PPP1R9A: variants seen among roughly 807,000 people sequenced by gnomAD.
PPP1R9A encodes neurabin-1.
PPP1R9A carries 59 observed loss-of-function variants against 141.9 expected under a neutral mutation model. That is an observed-to-expected ratio of 0.42 (90% CI 0.34 to 0.52). The LOEUF is 0.52. PPP1R9A is among the 20% of genes least tolerant of loss of function. The probability of loss-of-function intolerance (pLI) is 0.10; values close to 1 mark genes in which losing one functional copy is unlikely to be tolerated. For synonymous variants in PPP1R9A, 500 were observed against 569.7 expected (o/e 0.88, Z 1.74); for missense variants, 1,444 against 1,611.9 (o/e 0.90, Z 1.78).
intron 5 of PPP1R9A, among the ~76,000 whole-genome samples, chr7:95,179,790 A>G (rs2152785108): frequency 6.6e-6 from 1 of 151,676 alleles, no homozygotes; most frequent in Non-Finnish European, 1.5e-5. Context: ...AAAAAAAAAA[A>G]AAAAAATACG....
At position 95,263,111 on chromosome 7, in the gene PPP1R9A, A is replaced by G. The variant is rs1232469090; in HGVS notation, c.2666-5439A>G. 2.0e-5 allele frequency among the ~76,000 whole-genome samples: 3 copies of G among 152,154 alleles called. No homozygotes were observed. The East Asian group carries it at 5.8e-4, about 29-fold the overall frequency. ...ACTGATAGTCATGCAGATTTTGACA[A>G]AGTTCCCTGGGCTTATATCAACATG... On this transcript the variant is annotated intron_variant, in intron 12 of 19. Transcript: ENST00000433360.
At chr7:95,254,242 T>G (rs932634643) in intron 12 of PPP1R9A, among the ~76,000 whole-genome samples, 1 of 152,178 alleles carries the variant, frequency 6.6e-6, no homozygotes, top group Admixed American at 6.5e-5. Flanking sequence ...TCAAGTGCTC[T>G]TCCAGTTTTG....
Position 95,284,322 on chromosome 7 carries a change from G to A in PPP1R9A, c.3601G>A (p.Glu1201Lys). 6.7e-7 allele frequency: 1 copy of A among 1,486,158 alleles called. No homozygotes were observed. The highest frequency in any genetic ancestry group is 9.1e-7 in the Non-Finnish European group (1 of 1,097,680). 92.1% of individuals were successfully genotyped at this position (1,486,158 alleles called of 1,614,324 possible). A position where few individuals can be genotyped will look rare whatever the true frequency, so the allele number is the denominator to read the frequency against. Residue 1201 changes from glutamate to lysine, a missense_variant, in exon 17 of 20, where the codon GAA becomes AAA. Physicochemically the swap from Glu to Lys is moderately conservative, Grantham distance 56. Transcript: ENST00000433360. ...ACTTATGTCTGTAGTCTGGATCCAAGAAACCAATGTAATAACACTGCAATA... is the reference window on the plus strand; with the variant it reads ...ACTTATGTCTGTAGTCTGGATCCAAAAAACCAATGTAATAACACTGCAATA... ...SQLMSVVWIQ[E>K]TNNFTFNDDF...
intron 2 of PPP1R9A, among the ~76,000 whole-genome samples, chr7:95,029,078 T>A (rs1807292331): frequency 1.3e-5 from 2 of 152,190 alleles, no homozygotes; most frequent in Non-Finnish European, 2.9e-5. Flanking sequence ...AATTTTTGCC[T>A]TTTGGAGTGT....
intron 4 of PPP1R9A, among the ~76,000 whole-genome samples, chr7:95,135,188 A>G (rs1297884977): frequency 6.6e-6 from 1 of 152,158 alleles, no homozygotes; most frequent in East Asian, 1.9e-4. Flanking sequence ...ACACATATTT[A>G]CATGTATGTG....
chr7:95,188,167 G>A (rs994602747), intron 5 of PPP1R9A, among the ~76,000 whole-genome samples: 4 of 152,002 alleles, frequency 2.6e-5, no homozygotes, highest in South Asian at 2.1e-4. Context: ...GGAGTGCTGC[G>A]TTAGGTACAT....
chr7:95,104,972 C>T (rs1819307258), intron 2 of PPP1R9A, among the ~76,000 whole-genome samples: 2 of 109,502 alleles, frequency 1.8e-5, no homozygotes, highest in East Asian at 3.9e-4. Context: ...TCCAGGAGCA[C>T]ACTTTGCTAG....
chr7:95,263,390 A>G (rs1024740172), intron 12 of PPP1R9A, among the ~76,000 whole-genome samples: 3 of 151,640 alleles, frequency 2.0e-5, no homozygotes, highest in Non-Finnish European at 4.4e-5. Context: ...GCACTATATC[A>G]GTAGGAAGTA....
chr7:95,206,617 T>G (rs1790848431), intron 7 of PPP1R9A, among the ~76,000 whole-genome samples: 1 of 152,190 alleles, frequency 6.6e-6, no homozygotes, highest in African/African-American at 2.4e-5. Context: ...CTGAGACAAC[T>G]ATTCAGTCTG....
At chr7:95,247,557 A>G (rs765964278) in intron 9 of PPP1R9A, 31 bp downstream of exon 9, 1 of 1,541,280 alleles carries the variant, frequency 6.5e-7, no homozygotes. Flanking sequence ...TTTGAATTTT[A>G]CTTTTTAAAC....
intron 4 of PPP1R9A, among the ~76,000 whole-genome samples, chr7:95,150,667 C>T (rs1828501414): frequency 6.6e-6 from 1 of 152,160 alleles, no homozygotes; most frequent in African/African-American, 2.4e-5. Context: ...ATAAGCTGCA[C>T]TTCTTTTAAA....
At chr7:94,977,018 A>T (rs2151287285) in intron 2 of PPP1R9A, among the ~76,000 whole-genome samples, 1 of 152,274 alleles carries the variant, frequency 6.6e-6, no homozygotes, top group East Asian at 1.9e-4. Flanking sequence ...ATATGAGAGT[A>T]AAGGATATCA....
At chr7:95,017,450 C>T (rs1368471394) in intron 2 of PPP1R9A, among the ~76,000 whole-genome samples, 8 of 152,138 alleles carry the variant, frequency 5.3e-5, no homozygotes, top group Admixed American at 2.0e-4. Context: ...ATCCTAACAG[C>T]GTACTGTTGG....
chr7:94,910,974 C>T lies in PPP1R9A; in HGVS notation c.861C>T (p.Thr287=). The T allele has an allele frequency of 6.2e-7, 1 of 1,614,122 alleles. No homozygotes were observed. The highest frequency in any genetic ancestry group is 1.1e-5 in the South Asian group (1 of 91,076). ...TPVPEVASKS[T]SLASIPGEEI... is the part of the protein sequence containing the mutation. Reference sequence around the variant, plus strand: ...TACCAGAAGTGGCTTCTAAAAGTACCTCTCTAGCTTCGATACCTGGTGAAG... The same window carrying T: ...TACCAGAAGTGGCTTCTAAAAGTACTTCTCTAGCTTCGATACCTGGTGAAG... Residue 287 remains threonine, a synonymous_variant, in exon 2 of 20, where the codon ACC becomes ACT. Coordinates refer to ENST00000433360, the MANE Select transcript of PPP1R9A (RefSeq NM_001166160.2). This position sits in a 1 kb window ranked among gnomAD's most constrained non-coding sequence, Gnocchi z 4.5.
chr7:94,916,724 G>A (rs1018012312), intron 2 of PPP1R9A, among the ~76,000 whole-genome samples: 7 of 148,978 alleles, frequency 4.7e-5, no homozygotes, highest in Middle Eastern at 3.4e-3. Flanking sequence ...TTTTGCAAGT[G>A]TAAATTAATA....
chr7:95,139,306 T>C (rs1178999906), intron 4 of PPP1R9A, among the ~76,000 whole-genome samples: 1 of 152,130 alleles, frequency 6.6e-6, no homozygotes, highest in Non-Finnish European at 1.5e-5. Flanking sequence ...CCTGATCTCA[T>C]GAGAACTTCC....
chr7:95,124,990 A>T (rs1823310595), intron 4 of PPP1R9A, among the ~76,000 whole-genome samples: 1 of 152,162 alleles, frequency 6.6e-6, no homozygotes, highest in African/African-American at 2.4e-5. Flanking sequence ...ATAGTTAAAA[A>T]GTTTTGACCC....
At chr7:94,971,494 A>T (rs1798854709) in intron 2 of PPP1R9A, among the ~76,000 whole-genome samples, 1 of 152,238 alleles carries the variant, frequency 6.6e-6, no homozygotes, top group Non-Finnish European at 1.5e-5. Context: ...TAAGTGTAAA[A>T]TAACTCTTAA....
At chr7:94,999,486 A>G (rs1459051772) in intron 2 of PPP1R9A, among the ~76,000 whole-genome samples, 2 of 152,208 alleles carry the variant, frequency 1.3e-5, no homozygotes, top group African/African-American at 2.4e-5. Context: ...TGTTGCTGCT[A>G]TTCTATTATT....
Sources: gnomAD v4.1 joint callset for allele counts (sites outside exome capture counted in the v4.1 genomes callset) on GRCh38, gnomAD v4.1.1 for gene constraint, Gnocchi (gnomAD v3.1) non-coding constraint, MANE v1.5 for transcripts, NCBI Gene and HGNC (gene_info 2026-07-23, HGNC 2026-07-21) for gene names.